FAM220A: variants seen among roughly 807,000 people sequenced by gnomAD.
The protein encoded by FAM220A is family with sequence similarity 220 member A.
For missense variants in FAM220A, 392 were observed against 321.6 expected, an observed-to-expected ratio of 1.22 and a Z score of -1.68; for synonymous variants, 141 against 130.7, an observed-to-expected ratio of 1.08 and a Z score of -0.54.
In FAM220A at chr7:6,330,495, A is replaced by C. The variant is rs1413945566; in HGVS notation, c.660T>G (p.Phe220Leu). 6.2e-7 allele frequency: 1 copy of C among 1,614,046 alleles called. No homozygotes were observed. The highest frequency in any genetic ancestry group is 1.3e-5 in the African/African-American group (1 of 74,924). The change falls in exon 2 of 2, where the codon TTT becomes TTG. Residue 220 changes from phenylalanine (F) to leucine (L), a missense_variant. Coordinates refer to ENST00000313324, the MANE Select transcript of FAM220A (RefSeq NM_001037163.2). ...RIFLDRLKPM[F>L]SKQTIEFKKM... ...TCTTGAATTCTATTGTTTGCTTTGA[A>C]AACATGGGCTTTAAACGGTCAAGGA...
chr7:6,331,032 T>G lies in FAM220A; in HGVS notation c.123A>C (p.Ala41=). 6.2e-7 allele frequency: 1 copy of G among 1,614,080 alleles called. No homozygotes were observed. The highest frequency in any genetic ancestry group is 8.5e-7 in the Non-Finnish European group (1 of 1,180,040). Residue 41 remains alanine, a synonymous_variant, in exon 2 of 2, where the codon GCA becomes GCC. Coordinates refer to ENST00000313324, the MANE Select transcript of FAM220A (RefSeq NM_001037163.2). ...KKRMPEGPWP[A]DAPSWMNKPV... is the part of the protein sequence containing the mutation. ...GCTTATTCATCCAGGAGGGTGCATC[T>G]GCAGGCCAAGGGCCCTCCGGCATTC...
chr7:6,330,572 T>C lies in FAM220A; in HGVS notation c.583A>G (p.Thr195Ala), dbSNP rs1400379293. ...AGCACTTCGGGATACACGTGCAGCG[T>C]TGCAGACAGGATGGAGTGCAGGCAA... Reference protein sequence around the residue: ...PACLHSILSATLHVYPEVLLS... With the variant: ...PACLHSILSAALHVYPEVLLS... Residue 195 changes from threonine (T) to alanine (A), a missense_variant, in exon 2 of 2, where the codon ACG (threonine) becomes GCG (alanine). Transcript: ENST00000313324. The C allele has an allele frequency of 1.2e-6, 2 of 1,614,078 alleles. No homozygotes were observed. The highest frequency in any genetic ancestry group is 1.3e-5 in the African/African-American group (1 of 74,946).
chr7:6,342,805 G>C (rs1781888000), intron 1 of FAM220A, among the ~76,000 whole-genome samples: 1 of 152,108 alleles, frequency 6.6e-6, no homozygotes, highest in Non-Finnish European at 1.5e-5. Context: ...GGGAGGCTGA[G>C]GCAGGAGGAT....
At chr7:6,335,682 A>G (rs909188216) in intron 1 of FAM220A, among the ~76,000 whole-genome samples, 1 of 152,166 alleles carries the variant, frequency 6.6e-6, no homozygotes, top group African/African-American at 2.4e-5. Context: ...CTTGTGGGAC[A>G]TGCTGAAAAG....
At chr7:6,337,244 T>G (rs1251361572) in intron 1 of FAM220A, among the ~76,000 whole-genome samples, 2 of 152,112 alleles carry the variant, frequency 1.3e-5, no homozygotes, top group African/African-American at 4.8e-5. Flanking sequence ...TGGCTGGTTT[T>G]AGCTGTGTCT....
intron 1 of FAM220A, among the ~76,000 whole-genome samples, chr7:6,334,111 G>A (rs906764907): frequency 6.6e-6 from 1 of 151,460 alleles, no homozygotes; most frequent in Non-Finnish European, 1.5e-5. Context: ...CTCCCAAAGT[G>A]CTGGGATTAC....
Position 6,330,233 on chromosome 7 carries a change from CAATTTACTTT to C in FAM220A, c.*132_*141del, listed in dbSNP as rs1781600324. 1.2e-6 allele frequency: 1 copy of C among 819,878 alleles called. No homozygotes were observed. Among genetic ancestry groups the C allele is most frequent in the South Asian group, 1.9e-5 (1 of 51,952 alleles). The allele number at this position is 819,878 out of a possible 1,614,324, so 50.8% of individuals were successfully genotyped here. ...CATCAACTGGCTTTGAATTTAAACT[CAATTTACTTT>C]AAGTCTGCCAGGTCGTACAAAACTA... On this transcript the variant is annotated 3_prime_UTR_variant, in exon 2 of 2. Coordinates refer to ENST00000313324, the MANE Select transcript of FAM220A (RefSeq NM_001037163.2).
chr7:6,344,007 T>C (rs1037748156), intron 1 of FAM220A, among the ~76,000 whole-genome samples: 1 of 152,120 alleles, frequency 6.6e-6, no homozygotes, highest in Non-Finnish European at 1.5e-5. Flanking sequence ...CACCTCAGCC[T>C]CCCAAGTAGC....
intron 1 of FAM220A, among the ~76,000 whole-genome samples, chr7:6,346,343 C>A (rs1020462127): frequency 1.3e-5 from 2 of 152,014 alleles, no homozygotes; most frequent in Admixed American, 1.3e-4. Flanking sequence ...CAATTTGGAC[C>A]TCAAAATAAA....
chr7:6,330,274 G>A lies in FAM220A; in HGVS notation c.*101C>T. On this transcript the variant is annotated 3_prime_UTR_variant, in exon 2 of 2. Transcript: ENST00000313324. ...TGCCAGGTCGTACAAAACTACAGCA[G>A]GAACCTAAGGGCTGCACAGTTTGCA... is the stretch of plus-strand genomic sequence containing the variant. 1 of 1,155,100 alleles carries A rather than the reference G, an allele frequency of 8.7e-7. No individual in the cohort carries two copies. The highest frequency in any genetic ancestry group is 1.2e-6 in the Non-Finnish European group (1 of 818,724). The allele number at this position is 1,155,100 out of a possible 1,614,324, so 71.6% of individuals were successfully genotyped here.
At chr7:6,333,486 A>G (rs1389640930) in intron 1 of FAM220A, among the ~76,000 whole-genome samples, 3 of 152,160 alleles carry the variant, frequency 2.0e-5, no homozygotes, top group African/African-American at 4.8e-5. Flanking sequence ...GGGACAGACT[A>G]AAGTTTCATA....
intron 1 of FAM220A, among the ~76,000 whole-genome samples, chr7:6,348,118 C>T (rs1030622206): frequency 6.6e-6 from 1 of 151,242 alleles, no homozygotes; most frequent in African/African-American, 2.4e-5. Context: ...CCGTGTTGGT[C>T]AGGCTGGTCT....
In FAM220A at chr7:6,335,613, A is replaced by G. The variant is rs556591522; in HGVS notation, c.-81-4378T>C. Among the ~76,000 whole-genome samples the G allele has an allele frequency of 2.0e-5, 3 of 152,312 alleles. No homozygotes were observed. In the South Asian group the frequency reaches 6.2e-4, roughly 32 times the overall value. ...TCCCTTTTAACATTTTCTATGTTTTATAATATGTATCATATTCTGAGTGAG... is the reference window on the plus strand; with the variant it reads ...TCCCTTTTAACATTTTCTATGTTTTGTAATATGTATCATATTCTGAGTGAG... On this transcript the variant is annotated intron_variant, in intron 1 of 1. Coordinates refer to ENST00000313324, the MANE Select transcript of FAM220A (RefSeq NM_001037163.2).
At chr7:6,335,899 G>A (rs1781735405) in intron 1 of FAM220A, among the ~76,000 whole-genome samples, 1 of 151,940 alleles carries the variant, frequency 6.6e-6, no homozygotes, top group Admixed American at 6.6e-5. Context: ...GTGGCCGGGA[G>A]CAGTGGCTCA....
At chr7:6,331,863 T>C (rs1781642996) in intron 1 of FAM220A, among the ~76,000 whole-genome samples, 1 of 150,672 alleles carries the variant, frequency 6.6e-6, no homozygotes, top group African/African-American at 2.4e-5. Flanking sequence ...GCCTTAGCCT[T>C]TTGAGTAGCT....
intron 1 of FAM220A, 92 bp downstream of exon 1, chr7:6,348,481 C>G (rs1475608751): frequency 2.4e-6 from 1 of 409,134 alleles, no homozygotes; most frequent in Non-Finnish European, 4.3e-6. Flanking sequence ...CACTCAGCTT[C>G]TAGGCAGTGG....
intron 1 of FAM220A, among the ~76,000 whole-genome samples, chr7:6,331,648 G>C (rs968749807): frequency 6.6e-6 from 1 of 151,984 alleles, no homozygotes; most frequent in African/African-American, 2.4e-5. Flanking sequence ...CCAAAGTACT[G>C]GGATTACAGG....
chr7:6,338,614 A>T (rs1422928119), intron 1 of FAM220A: 1 of 152,260 alleles, frequency 6.6e-6, no homozygotes, highest in Non-Finnish European at 1.5e-5. Context: ...GAGGCTGTCC[A>T]GGTATACCCG....
chr7:6,333,449 A>C (rs77313777), intron 1 of FAM220A, among the ~76,000 whole-genome samples: 1 of 152,132 alleles, frequency 6.6e-6, no homozygotes, highest in Non-Finnish European at 1.5e-5. Flanking sequence ...CAGGAAAAAG[A>C]AAGAAAGAAG....
Sources: allele counts gnomAD v4.1 joint callset (sites outside exome capture counted in the v4.1 genomes callset), GRCh38; gene constraint gnomAD v4.1.1; transcripts MANE v1.5; gene names NCBI Gene and HGNC (gene_info 2026-07-23, HGNC 2026-07-21).